Variants in OLFM3 observed in about 807,000 individuals in gnomAD.
OLFM3 encodes the protein noelin-3.
A neutral mutation model predicts 48.6 loss-of-function variants in OLFM3; 20 were observed. The observed-to-expected ratio is 0.41, with a 90% CI of 0.29 to 0.60. The LOEUF (loss-of-function observed/expected upper bound fraction) is 0.60. Among genes scored for constraint, OLFM3 ranks in the 20% least tolerant of loss-of-function variants. The pLI, the probability that OLFM3 is intolerant of heterozygous loss-of-function variation, is 0.28. For missense variants in OLFM3, 437 were observed against 544.3 expected, an observed-to-expected ratio of 0.80 and a Z score of 1.96; for synonymous variants, 222 against 198.1, an observed-to-expected ratio of 1.12 and a Z score of -1.01.
At chr1:101,836,851 A>C in intron 2 of OLFM3, 28 bp downstream of exon 2, 1 of 1,609,440 alleles carries the variant, frequency 6.2e-7, no homozygotes, top group Non-Finnish European at 8.5e-7. Flanking sequence ...TTTACTAAAA[A>C]TATGCATAGG....
At chr1:101,963,758 T>C (rs1266461477) in intron 1 of OLFM3, among the ~76,000 whole-genome samples, 1 of 152,178 alleles carries the variant, frequency 6.6e-6, no homozygotes, top group Non-Finnish European at 1.5e-5. Context: ...AACCCTTTAA[T>C]AAATTCCTCA....
intron 1 of OLFM3, among the ~76,000 whole-genome samples, chr1:101,959,873 G>A (rs1370745519): frequency 6.6e-6 from 1 of 152,118 alleles, no homozygotes; most frequent in East Asian, 1.9e-4. Flanking sequence ...TTTCCCACGA[G>A]AAATATGGCA....
intron 5 of OLFM3, among the ~76,000 whole-genome samples, chr1:101,805,221 A>T (rs1479266741): frequency 6.4e-5 from 4 of 62,732 alleles, no homozygotes; most frequent in African/African-American, 2.2e-4. Flanking sequence ...ATCATATGTC[A>T]ATGCAAATTA....
rs764700879 is a variant in OLFM3, at chr1:101,804,446, T to C, written c.1169A>G (p.His390Arg). The change falls in exon 6 of 6, where the codon CAC (histidine) becomes CGC (arginine). Residue 390 changes from histidine to arginine, a missense_variant. Transcript: ENST00000370103. This position sits in a 1 kb window ranked among gnomAD's most constrained non-coding sequence, Gnocchi z 4.5. ...ATAATACACCTTGGCTCCAGTTAAGTGGGAGTTGGTGACATACAGTGTCCC... is the reference window on the plus strand; with the variant it reads ...ATAATACACCTTGGCTCCAGTTAAGCGGGAGTTGGTGACATACAGTGTCCC... ...ICGTLYVTNS[H>R]LTGAKVYYSY... 1 of 1,612,494 alleles carries C rather than the reference T, an allele frequency of 6.2e-7. No individual in the cohort carries two copies.
chr1:101,862,151 A>G (rs535832383), intron 1 of OLFM3, among the ~76,000 whole-genome samples: 22 of 152,308 alleles, frequency 1.4e-4, no homozygotes, highest in African/African-American at 5.1e-4. Context: ...TGAATATTGT[A>G]TCTGAAAAAC....
At chr1:101,909,482 T>A (rs1398903281) in intron 1 of OLFM3, among the ~76,000 whole-genome samples, 1 of 152,214 alleles carries the variant, frequency 6.6e-6, no homozygotes, top group Non-Finnish European at 1.5e-5. Context: ...GGGCTGGAAC[T>A]TAACTAAGAC....
chr1:101,902,761 T>G (rs1159134817), intron 1 of OLFM3, among the ~76,000 whole-genome samples: 1 of 152,142 alleles, frequency 6.6e-6, no homozygotes, highest in Non-Finnish European at 1.5e-5. Context: ...GTACGTATAC[T>G]ATCTCATTTA....
chr1:101,873,487 T>C (rs1466188478), intron 1 of OLFM3, among the ~76,000 whole-genome samples: 10 of 151,864 alleles, frequency 6.6e-5, no homozygotes, highest in Non-Finnish European at 1.3e-4. Flanking sequence ...TTTGTGGAAG[T>C]TGTACAAAAT....
intron 1 of OLFM3, chr1:101,893,381 G>A: frequency 2.6e-6 from 1 of 382,852 alleles, no homozygotes; most frequent in Non-Finnish European, 5.3e-6. Flanking sequence ...GGGCCATGGG[G>A]AACAGATCAG....
rs79321941 is a variant in OLFM3, at chr1:101,891,660, C to T, written c.70-54635G>A. 5.9e-4 allele frequency among the ~76,000 whole-genome samples: 89 copies of T among 151,790 alleles called. No homozygotes were observed. The East Asian group carries it at 0.013, about 22-fold the overall frequency. ...GTAATTATATGCATTAGATTATCTA[C>T]AGTAATGTCAATTCATTTTTTGTAG... On this transcript the variant is annotated intron_variant, in intron 1 of 5. Coordinates refer to ENST00000370103, the MANE Select transcript of OLFM3 (RefSeq NM_058170.4).
intron 1 of OLFM3, among the ~76,000 whole-genome samples, chr1:101,907,718 A>T (rs1436117468): frequency 6.6e-6 from 1 of 152,242 alleles, no homozygotes; most frequent in Non-Finnish European, 1.5e-5. Flanking sequence ...TAATGAAGAG[A>T]CAAAAGTCGC....
At chr1:101,955,411 C>A (rs1267971182) in intron 1 of OLFM3, among the ~76,000 whole-genome samples, 1 of 151,884 alleles carries the variant, frequency 6.6e-6, no homozygotes, top group Non-Finnish European at 1.5e-5. Context: ...CATCTTTAAC[C>A]TTTCTTGCTT....
chr1:101,828,143 C>T (rs949312818), intron 3 of OLFM3, among the ~76,000 whole-genome samples: 2 of 151,854 alleles, frequency 1.3e-5, no homozygotes, highest in Non-Finnish European at 2.9e-5. Flanking sequence ...TTCCTGAGGC[C>T]TCCCCAGCCA....
At chr1:101,870,493 T>G (rs1470974889) in intron 1 of OLFM3, among the ~76,000 whole-genome samples, 1 of 152,168 alleles carries the variant, frequency 6.6e-6, no homozygotes, top group Non-Finnish European at 1.5e-5. Flanking sequence ...GATTCCTAAC[T>G]TTTCATAACA....
chr1:101,933,324 G>A (rs58294271), intron 1 of OLFM3, among the ~76,000 whole-genome samples: 10,784 of 150,172 alleles, frequency 0.072, 460 homozygotes, highest in South Asian at 0.15. Flanking sequence ...ACGATCACAA[G>A]TATTAACAGC....
At chr1:101,929,782 A>G (rs987700942) in intron 1 of OLFM3, among the ~76,000 whole-genome samples, 1 of 152,168 alleles carries the variant, frequency 6.6e-6, no homozygotes, top group Non-Finnish European at 1.5e-5. Flanking sequence ...CTTTTGCAAA[A>G]TAAATAATCC....
At chr1:101,958,149 A>G (rs1289192848) in intron 1 of OLFM3, among the ~76,000 whole-genome samples, 1 of 152,138 alleles carries the variant, frequency 6.6e-6, no homozygotes, top group Non-Finnish European at 1.5e-5. Context: ...TTTTAAAGGC[A>G]TAGCAGGAAA....
chr1:101,833,009 G>C (rs567918145), intron 2 of OLFM3, among the ~76,000 whole-genome samples: 2 of 152,184 alleles, frequency 1.3e-5, no homozygotes, highest in South Asian at 4.1e-4. Context: ...AACTGTCTAC[G>C]TATTTAAATA....
Position 101,864,974 on chromosome 1 carries a change from C to G in OLFM3, c.70-27949G>C, listed in dbSNP as rs573728564. 2.0e-5 allele frequency among the ~76,000 whole-genome samples: 3 copies of G among 152,320 alleles called. No homozygotes were observed. In the East Asian group the frequency reaches 5.8e-4, roughly 29 times the overall value. ...ATTTCTGCCCTCATCTTAATGACTTCTAGCCCATTCCATTTGGTTTTATCT... is the reference window on the plus strand; with the variant it reads ...ATTTCTGCCCTCATCTTAATGACTTGTAGCCCATTCCATTTGGTTTTATCT... On this transcript the variant is annotated intron_variant, in intron 1 of 5. Transcript: ENST00000370103.
Sources: gnomAD v4.1 joint callset for allele counts (sites outside exome capture counted in the v4.1 genomes callset) on GRCh38, gnomAD v4.1.1 for gene constraint, Gnocchi (gnomAD v3.1) non-coding constraint, MANE v1.5 for transcripts, NCBI Gene and HGNC (gene_info 2026-07-23, HGNC 2026-07-21) for gene names.